The following RSPH3 variants were observed in gnomAD, a reference collection of about 807,000 sequenced individuals.
RSPH3 encodes radial spoke head 3.
A neutral mutation model predicts 43.8 loss-of-function variants in RSPH3; 21 were observed. That is an observed-to-expected ratio of 0.48 (90% confidence interval 0.34 to 0.69). RSPH3 has a LOEUF of 0.69. RSPH3 is among the 30% of genes least tolerant of loss of function. The pLI, the probability that RSPH3 is intolerant of heterozygous loss-of-function variation, is 0.01. For missense variants in RSPH3, 487 were observed against 516.0 expected (o/e 0.94, Z 0.54); for synonymous variants, 173 against 179.8 (o/e 0.96, Z 0.30).
In RSPH3 at chr6:158,999,540, G is replaced by C; in HGVS notation, c.11C>G (p.Ala4Gly). 6.3e-7 allele frequency: 1 copy of C among 1,599,112 alleles called. No individual in the cohort carries two copies. MAS[A>G]LTDRTSRAPS... ...GGCCCGAGAGGTGCGATCAGTCAGCGCTGAGGCCATGTCCGGGGGCTGACT... is the reference window on the plus strand; with the variant it reads ...GGCCCGAGAGGTGCGATCAGTCAGCCCTGAGGCCATGTCCGGGGGCTGACT... The change falls in exon 1 of 8, where the codon GCG becomes GGG. Residue 4 changes from alanine to glycine, a missense_variant. Physicochemically the swap from Ala to Gly is moderately conservative, Grantham distance 60 (BLOSUM62 0). Transcript: ENST00000367069.
chr6:158,985,594 C>A (rs951388257), intron 3 of RSPH3, among the ~76,000 whole-genome samples: 3 of 152,028 alleles, frequency 2.0e-5, no homozygotes, highest in African/African-American at 4.8e-5. Flanking sequence ...CTATGCTCAA[C>A]CAATTTTAAA....
intron 1 of RSPH3, among the ~76,000 whole-genome samples, chr6:158,996,585 A>G (rs934508647): frequency 2.0e-5 from 3 of 152,200 alleles, no homozygotes; most frequent in Non-Finnish European, 4.4e-5. Context: ...TATATACCCA[A>G]TCAAGATAAT....
intron 1 of RSPH3, among the ~76,000 whole-genome samples, chr6:158,997,045 C>T (rs938196345): frequency 6.6e-6 from 1 of 152,090 alleles, no homozygotes; most frequent in African/African-American, 2.4e-5. Flanking sequence ...GTACTTCCTC[C>T]TGTTTGGCCA....
At chr6:158,999,384 T>C (rs771727049) in intron 1 of RSPH3, 51 bp downstream of exon 1, 1 of 1,438,202 alleles carries the variant, frequency 7.0e-7, no homozygotes. Context: ...GACCCCGGCC[T>C]GGGGATGGGG....
the RSPH3 span, among the ~76,000 whole-genome samples, chr6:158,965,815 G>A: frequency 0.13 from 20,076 of 152,034 alleles, 2,045 homozygotes; most frequent in East Asian, 0.42. Context: ...GCAAGATAAG[G>A]TGTCTTTGGC....
At chr6:158,972,494 A>G (rs942868601), downstream of RSPH3, among the ~76,000 whole-genome samples, 9 of 152,174 alleles carry the variant, frequency 5.9e-5, no homozygotes, top group African/African-American at 2.2e-4. Flanking sequence ...ATATTTTTGA[A>G]CTGTGCTCAC....
At chr6:158,970,395 T>C (rs1019715523), downstream of RSPH3, among the ~76,000 whole-genome samples, 4 of 152,224 alleles carry the variant, frequency 2.6e-5, no homozygotes, top group South Asian at 2.1e-4. Flanking sequence ...TGGCAGTTTA[T>C]AGCTCTGTCT....
At chr6:158,971,185 G>A (rs1268409282), downstream of RSPH3, among the ~76,000 whole-genome samples, 2 of 152,168 alleles carry the variant, frequency 1.3e-5, no homozygotes, top group African/African-American at 2.4e-5. Flanking sequence ...CTGTTTCTTG[G>A]TTACTGACTT....
In RSPH3 at chr6:158,980,932, C is replaced by T. The variant is rs149769974; in HGVS notation, c.701G>A (p.Arg234Gln). ...TATTTCCCACTGCTGTTTCTTACGCCGTTCCTGCCAAGAACGACAGAGGTG... is the reference window on the plus strand; with the variant it reads ...TATTTCCCACTGCTGTTTCTTACGCTGTTCCTGCCAAGAACGACAGAGGTG... The part of the protein sequence containing the change: ...QERRHREEKE[R>Q]RKKQQWEIMH... Residue 234 changes from arginine to glutamine, a missense_variant, in exon 6 of 8, where the codon CGG (arginine) becomes CAG (glutamine). Coordinates refer to ENST00000367069, the MANE Select transcript of RSPH3 (RefSeq NM_031924.8). 2.5e-5 allele frequency: 40 copies of T among 1,613,878 alleles called. No individual in the cohort carries two copies. The highest frequency in any genetic ancestry group is 1.3e-4 in the African/African-American group (10 of 74,998).
Position 158,982,619 on chromosome 6 carries a change from G to A in RSPH3, c.562C>T (p.Leu188Phe). Reference protein sequence around the residue: ...VLVGKTIEQSLLEVMEEEELA... With the variant: ...VLVGKTIEQSFLEVMEEEELA... The stretch of plus-strand genomic sequence containing the variant: ...TCTTCTTCTTCCATTACTTCCAGAA[G>A]AGACTGCTCAATTGTCTTCCCCACC... Residue 188 changes from leucine to phenylalanine, a missense_variant, in exon 5 of 8, where the codon CTT (leucine) becomes TTT (phenylalanine). Physicochemically the swap from Leu to Phe is conservative, Grantham distance 22 (BLOSUM62 0). Transcript: ENST00000367069. 6.2e-7 allele frequency: 1 copy of A among 1,613,884 alleles called. No individual in the cohort carries two copies. The highest frequency in any genetic ancestry group is 2.2e-5 in the East Asian group (1 of 44,864).
chr6:158,967,309 A>G, the RSPH3 span, among the ~76,000 whole-genome samples: 11 of 152,092 alleles, frequency 7.2e-5, no homozygotes, highest in Non-Finnish European at 1.2e-4. Context: ...TTCTGTTTCT[A>G]TTCACCTCAA....
At chr6:158,998,226 C>A (rs192276955) in intron 1 of RSPH3, among the ~76,000 whole-genome samples, 38 of 136,354 alleles carry the variant, frequency 2.8e-4, no homozygotes, top group Admixed American at 2.5e-3. Context: ...CCGAGGCGGG[C>A]GGATCATGAG....
In RSPH3 at chr6:158,977,359, CAATTT is replaced by C. The variant is rs1300516576; in HGVS notation, c.*174_*178del. The C allele has an allele frequency of 3.6e-6, 2 of 551,800 alleles. No homozygotes were observed. Among genetic ancestry groups the C allele is most frequent in the African/African-American group, 3.7e-5 (2 of 53,376 alleles). 34.2% of individuals were successfully genotyped at this position (551,800 alleles called of 1,614,324 possible). A position where few individuals can be genotyped will look rare whatever the true frequency, so the allele number is the denominator to read the frequency against. Reference sequence around the variant, plus strand: ...GAATATTCTATTAAATAAATGAATTCAATTTAAGTTTCATTCTCAAATTAATTTTA... The same window carrying C: ...GAATATTCTATTAAATAAATGAATTCAAGTTTCATTCTCAAATTAATTTTA... On this transcript the variant is annotated 3_prime_UTR_variant, in exon 8 of 8. Transcript: ENST00000367069.
intron 1 of RSPH3, among the ~76,000 whole-genome samples, chr6:158,998,507 T>C (rs887646954): frequency 5.4e-5 from 8 of 149,402 alleles, no homozygotes; most frequent in African/African-American, 2.0e-4. Flanking sequence ...TTATGTTTTG[T>C]TTTTTTTCTT....
Position 159,000,138 on chromosome 6 carries a change from G to GC in RSPH3, c.-589dup. ...CGCGGCGCAGCAGCGCTCCCAGGCT[G>GC]CCCCCGCGATAACACGCCCCTGGCA... On this transcript the variant is annotated 5_prime_UTR_variant, in exon 1 of 8. Coordinates refer to ENST00000367069, the MANE Select transcript of RSPH3 (RefSeq NM_031924.8). 4.2e-6 allele frequency: 3 copies of GC among 721,580 alleles called. No homozygotes were observed. Among genetic ancestry groups the GC allele is most frequent in the East Asian group, 3.1e-5 (1 of 32,188 alleles). The allele number at this position is 721,580 out of a possible 1,614,324, so 44.7% of individuals were successfully genotyped here.
chr6:158,990,094 C>A (rs747031067), intron 2 of RSPH3, among the ~76,000 whole-genome samples: 1 of 152,152 alleles, frequency 6.6e-6, no homozygotes, highest in Non-Finnish European at 1.5e-5. Context: ...AGTTTTGGAG[C>A]CTGGACTGGC....
In RSPH3 at chr6:158,978,185, A is replaced by G. The variant is rs897182348; in HGVS notation, c.946+75T>C. 3.6e-5 allele frequency: 29 copies of G among 811,382 alleles called. No individual in the cohort carries two copies. In the African/African-American group the frequency reaches 4.9e-4, roughly 14 times the overall value. The allele number at this position is 811,382 out of a possible 1,614,324, so 50.3% of individuals were successfully genotyped here. A position where few individuals can be genotyped will look rare whatever the true frequency, so the allele number is the denominator to read the frequency against. ...TTTAAATATTCAAACTGTAAAATTA[A>G]TCTTTCTTTCAGTTATTCAATTTAT... On this transcript the variant is annotated intron_variant, in intron 7 of 7. Coordinates refer to ENST00000367069, the MANE Select transcript of RSPH3 (RefSeq NM_031924.8).
the RSPH3 span, among the ~76,000 whole-genome samples, chr6:158,965,234 G>C: frequency 6.6e-6 from 1 of 151,942 alleles, no homozygotes; most frequent in African/African-American, 2.4e-5. Flanking sequence ...CTATAATTTT[G>C]TTCTTTTTCA....
rs1778822452 is a variant in RSPH3 at position 159,000,115 on chromosome 6, C to T, written c.-565G>A. 6.5e-6 allele frequency: 6 copies of T among 918,876 alleles called. No individual in the cohort carries two copies. Among genetic ancestry groups the T allele is most frequent in the Non-Finnish European group, 9.4e-6 (6 of 637,454 alleles). 56.9% of individuals were successfully genotyped at this position (918,876 alleles called of 1,614,324 possible). ...GTGTCCTCGGCTGTTTCTCCTGCCG[C>T]GGCGCAGCAGCGCTCCCAGGCTGCC... On this transcript the variant is annotated 5_prime_UTR_variant, in exon 1 of 8. Transcript: ENST00000367069.
Sources: allele counts gnomAD v4.1 joint callset (sites outside exome capture counted in the v4.1 genomes callset), GRCh38; gene constraint gnomAD v4.1.1; transcripts MANE v1.5; gene names NCBI Gene and HGNC (gene_info 2026-07-23, HGNC 2026-07-21).